NPFFR2: variants seen among roughly 807,000 people sequenced by gnomAD.
NPFFR2 encodes G-protein coupled receptor 74.
In NPFFR2, 15 loss-of-function variants were observed where a neutral mutation model predicts 13.1. That is an observed-to-expected ratio of 1.15 (90% CI 0.77 to 1.76). The LOEUF is 1.76. NPFFR2 is among the 40% of genes most tolerant of loss of function. NPFFR2 has a pLI of 0.00. For missense variants in NPFFR2, 572 were observed against 503.5 expected, an observed-to-expected ratio of 1.14 and a Z score of -1.30; for synonymous variants, 190 against 175.7, an observed-to-expected ratio of 1.08 and a Z score of -0.65.
At chr4:72,088,152 C>T (rs72856172) in intron 1 of NPFFR2, among the ~76,000 whole-genome samples, 4,717 of 152,006 alleles carry the variant, frequency 0.031, 235 homozygotes, top group African/African-American at 0.11. Flanking sequence ...TAGACATTAA[C>T]AAAAAGGCTT....
At chr4:72,032,243 G>T in intron 1 of NPFFR2, 43 bp downstream of exon 1, 1 of 1,543,872 alleles carries the variant, frequency 6.5e-7, no homozygotes, top group South Asian at 1.2e-5. Context: ...CCGCTTGGGG[G>T]CGCGACCCCT....
chr4:72,121,850 G>A (rs1172861273), intron 1 of NPFFR2, among the ~76,000 whole-genome samples: 1 of 151,966 alleles, frequency 6.6e-6, no homozygotes, highest in Admixed American at 6.6e-5. Flanking sequence ...CAACTAACAG[G>A]CAAAATTACC....
At chr4:72,104,552 A>G (rs1450230430) in intron 1 of NPFFR2, among the ~76,000 whole-genome samples, 1 of 152,052 alleles carries the variant, frequency 6.6e-6, no homozygotes, top group Non-Finnish European at 1.5e-5. Flanking sequence ...GTCAAACCTC[A>G]TAAACCCCAA....
At chr4:72,139,925 T>A (rs1345827251) in intron 3 of NPFFR2, among the ~76,000 whole-genome samples, 1 of 152,200 alleles carries the variant, frequency 6.6e-6, no homozygotes, top group Non-Finnish European at 1.5e-5. Context: ...TGTCCTCTTT[T>A]ATTTCGTTGA....
intron 1 of NPFFR2, chr4:72,039,526 A>C (rs1386922948): frequency 2.8e-6 from 1 of 356,114 alleles, no homozygotes; most frequent in Admixed American, 6.5e-5. Flanking sequence ...AAATATATGC[A>C]TCTTGTTTTC....
At position 72,147,607 on chromosome 4, in the gene NPFFR2, G is replaced by C; in HGVS notation, c.1058G>C (p.Cys353Ser). The C allele has an allele frequency of 6.2e-7, 1 of 1,614,018 alleles. No individual in the cohort carries two copies. The highest frequency in any genetic ancestry group is 8.5e-7 in the Non-Finnish European group (1 of 1,179,984). The change falls in exon 4 of 4, where the codon TGC becomes TCC. Residue 353 changes from cysteine to serine, a missense_variant. Cys to Ser is a moderately radical substitution (Grantham distance 112). Coordinates refer to ENST00000308744, the MANE Select transcript of NPFFR2 (RefSeq NM_004885.3). Reference protein sequence around the residue: ...GFQEAFQLQLCQKRAKPMEAY... With the variant: ...GFQEAFQLQLSQKRAKPMEAY... ...CAAGAAGCTTTCCAGCTCCAGCTCT[G>C]CCAAAAAAGAGCAAAGCCTATGGAA... is the stretch of plus-strand genomic sequence containing the variant.
intron 1 of NPFFR2, among the ~76,000 whole-genome samples, chr4:72,034,171 A>G (rs1483119333): frequency 6.6e-6 from 1 of 152,224 alleles, no homozygotes; most frequent in Non-Finnish European, 1.5e-5. Flanking sequence ...AAGCACATTC[A>G]AAGAAAATGG....
intron 2 of NPFFR2, among the ~76,000 whole-genome samples, chr4:72,130,158 A>G (rs1324046576): frequency 6.6e-6 from 1 of 152,054 alleles, no homozygotes; most frequent in Non-Finnish European, 1.5e-5. Flanking sequence ...ACACAGACAC[A>G]GTAACAATCT....
At chr4:72,141,560 T>C (rs1722625056) in intron 3 of NPFFR2, among the ~76,000 whole-genome samples, 1 of 152,202 alleles carries the variant, frequency 6.6e-6, no homozygotes, top group Non-Finnish European at 1.5e-5. Context: ...TTCCATATAG[T>C]TGTGCTGTTT....
At chr4:72,091,595 C>T (rs1720919474) in intron 1 of NPFFR2, among the ~76,000 whole-genome samples, 1 of 152,036 alleles carries the variant, frequency 6.6e-6, no homozygotes. Context: ...TATCCATCTC[C>T]TCTAGGTTTT....
intron 1 of NPFFR2, among the ~76,000 whole-genome samples, chr4:72,032,637 A>T (rs1400700448): frequency 6.6e-6 from 1 of 152,226 alleles, no homozygotes; most frequent in Non-Finnish European, 1.5e-5. Flanking sequence ...TCCACTTGCT[A>T]GAAAAGCTGA....
intron 3 of NPFFR2, among the ~76,000 whole-genome samples, chr4:72,145,117 G>T (rs1036437181): frequency 8.6e-5 from 13 of 151,508 alleles, no homozygotes; most frequent in African/African-American, 3.2e-4. Flanking sequence ...TATTTCCATT[G>T]ACTTTCTCAG....
intron 2 of NPFFR2, among the ~76,000 whole-genome samples, chr4:72,131,483 T>G: frequency 6.8e-6 from 1 of 147,764 alleles, no homozygotes; most frequent in African/African-American, 2.5e-5. Context: ...CACTAGGAGA[T>G]ATACCTAATG....
chr4:72,077,278 C>T (rs944564740), intron 1 of NPFFR2, among the ~76,000 whole-genome samples: 1 of 152,066 alleles, frequency 6.6e-6, no homozygotes, highest in African/African-American at 2.4e-5. Context: ...CATAAACTTA[C>T]CACAAGAAAA....
chr4:72,060,711 CTTA>C (rs1220730410), intron 1 of NPFFR2, among the ~76,000 whole-genome samples: 3 of 152,016 alleles, frequency 2.0e-5, no homozygotes, highest in African/African-American at 7.2e-5. Flanking sequence ...GCTTGTCATT[CTTA>C]TTATTATTTG....
At chr4:72,057,093 GA>G (rs768586713) in intron 1 of NPFFR2, among the ~76,000 whole-genome samples, 16 of 151,894 alleles carry the variant, frequency 1.1e-4, no homozygotes, top group Middle Eastern at 3.2e-3. Flanking sequence ...GGTTCATACT[GA>G]AATAAACAAA....
chr4:72,131,475 C>T (rs1047484864), intron 2 of NPFFR2, among the ~76,000 whole-genome samples: 1 of 149,168 alleles, frequency 6.7e-6, no homozygotes. Context: ...AGGGATAGCA[C>T]TAGGAGATAT....
At chr4:72,117,181 C>T (rs1051055803) in intron 1 of NPFFR2, among the ~76,000 whole-genome samples, 3 of 152,072 alleles carry the variant, frequency 2.0e-5, no homozygotes, top group Non-Finnish European at 4.4e-5. Flanking sequence ...GGTTGTAGCC[C>T]GGCAGGACTG....
chr4:72,137,002 C>T (rs1578480342), intron 2 of NPFFR2, among the ~76,000 whole-genome samples: 1 of 152,148 alleles, frequency 6.6e-6, no homozygotes, highest in Non-Finnish European at 1.5e-5. Context: ...ATTCCATTTT[C>T]AACCAACGGC....
Sources: gnomAD v4.1 joint callset for allele counts (sites outside exome capture counted in the v4.1 genomes callset) on GRCh38, gnomAD v4.1.1 for gene constraint, MANE v1.5 for transcripts, NCBI Gene and HGNC (gene_info 2026-07-23, HGNC 2026-07-21) for gene names.